Variants in PLCB4 observed in about 807,000 individuals in gnomAD.
The protein encoded by PLCB4 is phospholipase C beta 4, also known as 1-phosphatidylinositol 4,5-bisphosphate phosphodiesterase beta-4.
In PLCB4, 77 loss-of-function variants were observed where a neutral mutation model predicts 178.8. The observed-to-expected ratio is 0.43, with a 90% CI of 0.36 to 0.52. The LOEUF is 0.52. Among genes scored for constraint, PLCB4 ranks in the 20% least tolerant of loss-of-function variants. The pLI, the probability that PLCB4 is intolerant of heterozygous loss-of-function variation, is 0.00. For missense variants in PLCB4, 1,024 were observed against 1,453.4 expected (o/e 0.70, Z 4.80); for synonymous variants, 496 against 490.8 (o/e 1.01, Z -0.14).
chr20:9,203,621 A>C (rs1349806719), intron 2 of PLCB4, among the ~76,000 whole-genome samples: 2 of 152,136 alleles, frequency 1.3e-5, no homozygotes, highest in Admixed American at 1.3e-4. Context: ...GTATTATTCC[A>C]TTTAACTTCA....
chr20:9,093,952 A>T (rs2064845), intron 1 of PLCB4, among the ~76,000 whole-genome samples: 2 of 152,016 alleles, frequency 1.3e-5, no homozygotes, highest in East Asian at 1.9e-4. Context: ...TGTCTGTTTC[A>T]CAGTGACAGA....
intron 35 of PLCB4, among the ~76,000 whole-genome samples, chr20:9,468,024 T>C (rs1349869769): frequency 6.6e-6 from 1 of 152,244 alleles, no homozygotes; most frequent in Non-Finnish European, 1.5e-5. Context: ...GTCCCTTTCA[T>C]TCCTGTGGCT....
At chr20:9,136,942 C>T (rs1429602177) in intron 2 of PLCB4, among the ~76,000 whole-genome samples, 3 of 152,024 alleles carry the variant, frequency 2.0e-5, no homozygotes, top group Non-Finnish European at 4.4e-5. Flanking sequence ...TGGGTTCAGG[C>T]AGTGGGAGCT....
chr20:9,340,423 G>A (rs535154107), intron 7 of PLCB4, among the ~76,000 whole-genome samples: 3 of 152,216 alleles, frequency 2.0e-5, no homozygotes, highest in East Asian at 3.9e-4. Flanking sequence ...TGCTCCAGGT[G>A]ACTCGGATGT....
intron 4 of PLCB4, among the ~76,000 whole-genome samples, chr20:9,318,224 T>A (rs530224293): frequency 6.6e-6 from 1 of 151,424 alleles, no homozygotes; most frequent in Non-Finnish European, 1.5e-5. Context: ...GAGAGATGAG[T>A]TAGTATTCAA....
intron 20 of PLCB4, among the ~76,000 whole-genome samples, chr20:9,402,914 A>G (rs146121628): frequency 2.0e-5 from 3 of 152,214 alleles, no homozygotes; most frequent in Non-Finnish European, 4.4e-5. Context: ...GGAGGTGTTC[A>G]TATAGCATTG....
At chr20:9,207,878 A>G (rs1209095151) in intron 2 of PLCB4, among the ~76,000 whole-genome samples, 2 of 152,224 alleles carry the variant, frequency 1.3e-5, no homozygotes, top group African/African-American at 4.8e-5. Flanking sequence ...TCAAAATAAA[A>G]CACAGGGGTA....
intron 7 of PLCB4, among the ~76,000 whole-genome samples, chr20:9,351,155 G>A (rs1288308085): frequency 2.2e-5 from 3 of 139,270 alleles, no homozygotes; most frequent in Non-Finnish European, 4.8e-5. Flanking sequence ...TTTTTTTTTT[G>A]GAGGAGCTGG....
intron 2 of PLCB4, among the ~76,000 whole-genome samples, chr20:9,201,933 G>T (rs1356182427): frequency 6.6e-6 from 1 of 152,186 alleles, no homozygotes; most frequent in African/African-American, 2.4e-5. Context: ...CTGTACACTA[G>T]TGTTTATGGT....
intron 35 of PLCB4, among the ~76,000 whole-genome samples, chr20:9,465,028 C>G (rs1488996960): frequency 6.6e-6 from 1 of 152,158 alleles, no homozygotes; most frequent in Non-Finnish European, 1.5e-5. Context: ...ATGCAAAAAT[C>G]CTCAATAAGA....
At chr20:9,441,863 G>A (rs2276475) in intron 30 of PLCB4, among the ~76,000 whole-genome samples, 16,822 of 151,618 alleles carry the variant, frequency 0.11, 1,278 homozygotes, top group East Asian at 0.31. Flanking sequence ...ATTCCAAACT[G>A]TTTTTCTTAG....
intron 19 of PLCB4, among the ~76,000 whole-genome samples, chr20:9,398,524 A>G (rs1177649934): frequency 6.6e-6 from 1 of 152,178 alleles, no homozygotes; most frequent in Non-Finnish European, 1.5e-5. Context: ...TAAAATATGT[A>G]AGGCATTACT....
intron 30 of PLCB4, among the ~76,000 whole-genome samples, chr20:9,440,470 C>G (rs1002566822): frequency 6.6e-6 from 1 of 152,240 alleles, no homozygotes; most frequent in Non-Finnish European, 1.5e-5. Flanking sequence ...AACATATGCT[C>G]TCTACTGAAT....
chr20:9,437,280 G>A (rs2041833713), intron 30 of PLCB4, 128 bp downstream of exon 30: 2 of 810,006 alleles, frequency 2.5e-6, no homozygotes, highest in Non-Finnish European at 3.8e-6. Context: ...ACATAGTGAT[G>A]TTAACTAATT....
intron 2 of PLCB4, among the ~76,000 whole-genome samples, chr20:9,211,299 A>G (rs1185451581): frequency 6.6e-6 from 1 of 152,156 alleles, no homozygotes; most frequent in Non-Finnish European, 1.5e-5. Flanking sequence ...TTGAAACTGC[A>G]TAGCTGGTCA....
intron 2 of PLCB4, among the ~76,000 whole-genome samples, chr20:9,192,737 C>T (rs2093421664): frequency 6.6e-6 from 1 of 151,316 alleles, no homozygotes; most frequent in Non-Finnish European, 1.5e-5. Flanking sequence ...ATTGCTTGAG[C>T]CTGGGAGGTT....
At chr20:9,146,278 C>T (rs977745991) in intron 2 of PLCB4, among the ~76,000 whole-genome samples, 1 of 152,020 alleles carries the variant, frequency 6.6e-6, no homozygotes, top group African/African-American at 2.4e-5. Context: ...TTCAAAGCTG[C>T]ATGATTCAGG....
chr20:9,357,863 C>G (rs1373691765), intron 7 of PLCB4, among the ~76,000 whole-genome samples: 1 of 152,176 alleles, frequency 6.6e-6, no homozygotes, highest in East Asian at 1.9e-4. Context: ...AAAAACCAAA[C>G]TCACATCTTA....
intron 1 of PLCB4, among the ~76,000 whole-genome samples, chr20:9,087,738 C>T (rs934905561): frequency 6.6e-6 from 1 of 152,214 alleles, no homozygotes; most frequent in Non-Finnish European, 1.5e-5. Flanking sequence ...TGTTTGTTTT[C>T]AAGGCCAGTT....
Sources: allele counts gnomAD v4.1 joint callset (sites outside exome capture counted in the v4.1 genomes callset), GRCh38; gene constraint gnomAD v4.1.1; transcripts MANE v1.5; gene names NCBI Gene and HGNC (gene_info 2026-07-23, HGNC 2026-07-21).